Variants in TCERG1 observed in about 807,000 individuals in gnomAD.
TCERG1 encodes TATA box binding protein (TBP)-associated factor, RNA polymerase II, S, 150kD.
TCERG1 carries 37 observed loss-of-function variants against 144.7 expected under a neutral mutation model. That is an observed-to-expected ratio of 0.26 (90% confidence interval 0.20 to 0.34). The LOEUF is 0.34. Among genes scored for constraint, TCERG1 ranks in the 10% least tolerant of loss-of-function variants. The pLI, the probability that TCERG1 is intolerant of heterozygous loss-of-function variation, is 1.00. For synonymous variants in TCERG1, 492 were observed against 458.2 expected (o/e 1.07, Z -0.94); for missense variants, 1,027 against 1,380.7 (o/e 0.74, Z 4.06).
chr5:146,449,915 G>A (rs1285090456), intron 1 of TCERG1, among the ~76,000 whole-genome samples: 1 of 151,378 alleles, frequency 6.6e-6, no homozygotes, highest in Admixed American at 6.6e-5. Context: ...AGAATATTCT[G>A]GTGTTATCAC....
chr5:146,469,789 T>C, intron 7 of TCERG1, 45 bp downstream of exon 7: 1 of 1,316,352 alleles, frequency 7.6e-7, no homozygotes, highest in Non-Finnish European at 1.0e-6. Context: ...TAAACTGTAA[T>C]AAGTAGAATG....
At chr5:146,449,715 TTTG>T (rs1440620621) in intron 1 of TCERG1, among the ~76,000 whole-genome samples, 1 of 152,214 alleles carries the variant, frequency 6.6e-6, no homozygotes, top group African/African-American at 2.4e-5. Flanking sequence ...CAAGTAGGCT[TTTG>T]TTTTTCAGAA....
intron 2 of TCERG1, among the ~76,000 whole-genome samples, chr5:146,456,090 CAAT>C (rs1762810914): frequency 6.6e-6 from 1 of 152,126 alleles, no homozygotes; most frequent in Non-Finnish European, 1.5e-5. Flanking sequence ...TGGAAGAAGA[CAAT>C]GATGTGCCAT....
At chr5:146,459,569 G>A (rs1763164004) in intron 4 of TCERG1, among the ~76,000 whole-genome samples, 1 of 152,240 alleles carries the variant, frequency 6.6e-6, no homozygotes, top group South Asian at 2.1e-4. Flanking sequence ...AAAGTGCAAA[G>A]TTAGCTGTTC....
At chr5:146,464,789 T>G (rs1170976240) in intron 5 of TCERG1, among the ~76,000 whole-genome samples, 1 of 152,174 alleles carries the variant, frequency 6.6e-6, no homozygotes, top group Non-Finnish European at 1.5e-5. Flanking sequence ...TTTCTTATAC[T>G]CCTTTCTGTG....
At chr5:146,454,944 AACTCC>A in intron 1 of TCERG1, 107 bp from the exon 2 acceptor site, 2 of 1,166,888 alleles carry the variant, frequency 1.7e-6, no homozygotes, top group Non-Finnish European at 2.4e-6. Context: ...ATGACTTTCC[AACTCC>A]ACTTAGACTT....
At chr5:146,509,123 A>AT in intron 21 of TCERG1, 22 bp from the exon 22 acceptor site, 1 of 1,326,694 alleles carries the variant, frequency 7.5e-7, no homozygotes, top group Non-Finnish European at 1.1e-6. Context: ...CATAATCTCA[A>AT]CTTTTTTTTT....
intron 18 of TCERG1, 93 bp downstream of exon 18, chr5:146,503,632 G>T (rs999975112): frequency 1.4e-6 from 2 of 1,474,532 alleles, no homozygotes; most frequent in Non-Finnish European, 1.8e-6. Flanking sequence ...TTCTATTGGG[G>T]GTTTGGATTT....
intron 15 of TCERG1, among the ~76,000 whole-genome samples, chr5:146,485,452 A>G (rs911658642): frequency 2.0e-5 from 3 of 152,172 alleles, no homozygotes; most frequent in Non-Finnish European, 2.9e-5. Context: ...CCTAATCTAA[A>G]TATCTCTGAA....
chr5:146,503,285 T>A lies in TCERG1; in HGVS notation c.2434-90T>A, dbSNP rs1767649480. Reference sequence around the variant, plus strand: ...ATTCTCATATTTAAGGTAGGTGAACTTTTTTTCTAGTTGTAAATATTTAAG... The same window carrying A: ...ATTCTCATATTTAAGGTAGGTGAACATTTTTTCTAGTTGTAAATATTTAAG... On this transcript the variant is annotated intron_variant, in intron 17 of 22. Transcript: ENST00000679501. The A allele has an allele frequency of 2.3e-6, 3 of 1,302,026 alleles. No individual in the cohort carries two copies. The South Asian group carries it at 4.7e-5, about 20-fold the overall frequency. 80.7% of individuals were successfully genotyped at this position (1,302,026 alleles called of 1,614,324 possible). A position where few individuals can be genotyped will look rare whatever the true frequency, so the allele number is the denominator to read the frequency against.
At chr5:146,501,017 A>C (rs892594989) in intron 17 of TCERG1, among the ~76,000 whole-genome samples, 23 of 151,942 alleles carry the variant, frequency 1.5e-4, no homozygotes, top group Admixed American at 6.6e-4. Flanking sequence ...AAAAAAAAAA[A>C]AAGAAAAAAA....
At chr5:146,481,958 C>T (rs1415462091) in intron 13 of TCERG1, 1 of 152,138 alleles carries the variant, frequency 6.6e-6, no homozygotes, top group Non-Finnish European at 1.5e-5. Flanking sequence ...CCATGTTGCT[C>T]TCTGGGACCT....
chr5:146,495,238 A>G (rs1032949964), intron 16 of TCERG1, among the ~76,000 whole-genome samples: 1 of 152,180 alleles, frequency 6.6e-6, no homozygotes, highest in Non-Finnish European at 1.5e-5. Context: ...AAATTTTGGA[A>G]TATTTGTATT....
At chr5:146,502,438 ATGGG>A (rs1767574260) in intron 17 of TCERG1, among the ~76,000 whole-genome samples, 1 of 152,184 alleles carries the variant, frequency 6.6e-6, no homozygotes, top group African/African-American at 2.4e-5. Context: ...AGTAGTATAC[ATGGG>A]ATTAAATTTT....
chr5:146,493,750 G>C (rs1350720644), intron 16 of TCERG1, among the ~76,000 whole-genome samples: 2 of 152,146 alleles, frequency 1.3e-5, no homozygotes, highest in African/African-American at 2.4e-5. Flanking sequence ...GTGAAGCTGG[G>C]ATTTCAATTA....
chr5:146,502,608 A>G (rs550875696), intron 17 of TCERG1, among the ~76,000 whole-genome samples: 23 of 152,308 alleles, frequency 1.5e-4, no homozygotes, highest in African/African-American at 5.3e-4. Context: ...CTTTGGTATA[A>G]TGTTTTTAAC....
chr5:146,458,245 T>C (rs1307473138), intron 3 of TCERG1, among the ~76,000 whole-genome samples: 1 of 151,116 alleles, frequency 6.6e-6, no homozygotes. Context: ...GTGCGATCTT[T>C]GGTTCACTGC....
intron 13 of TCERG1, 53 bp from the exon 14 acceptor site, chr5:146,482,539 G>T: frequency 6.6e-7 from 1 of 1,511,010 alleles, no homozygotes; most frequent in South Asian, 1.3e-5. Flanking sequence ...TTTCTAATAA[G>T]ATCTGAGAAT....
At chr5:146,509,315 A>G in intron 22 of TCERG1, 70 bp downstream of exon 22, 1 of 1,007,292 alleles carries the variant, frequency 9.9e-7, no homozygotes, top group East Asian at 2.5e-5. Context: ...TGGTCAGAGC[A>G]TTCTTTGCAT....
Sources: gnomAD v4.1 joint callset for allele counts (sites outside exome capture counted in the v4.1 genomes callset) on GRCh38, gnomAD v4.1.1 for gene constraint, MANE v1.5 for transcripts, NCBI Gene and HGNC (gene_info 2026-07-23, HGNC 2026-07-21) for gene names.